ARHGAP32: variants seen among roughly 807,000 people sequenced by gnomAD.
The protein encoded by ARHGAP32 is Rho GTPase activating protein 32.
ARHGAP32 carries 51 observed loss-of-function variants against 186.5 expected under a neutral mutation model. The observed-to-expected ratio is 0.27, with a 90% CI of 0.22 to 0.35. The LOEUF (loss-of-function observed/expected upper bound fraction) is 0.35, where lower values mean the gene tolerates loss of function less well. Ranked by LOEUF, ARHGAP32 falls within the 10% of genes least tolerant of loss-of-function variation. The pLI is 1.00. For missense variants in ARHGAP32, 2,186 were observed against 2,623.5 expected (o/e 0.83, Z 3.64); for synonymous variants, 950 against 964.3 (o/e 0.99, Z 0.27).
Position 128,970,705 on chromosome 11 carries a change from T to C in ARHGAP32, c.4508A>G (p.Asp1503Gly), listed in dbSNP as rs781119573. Reference sequence around the variant, plus strand: ...AGTCATATTGAAATGCAAACAGTTATCTGGACCAAAGGGTTCAGTGGTGAC... The same window carrying C: ...AGTCATATTGAAATGCAAACAGTTACCTGGACCAAAGGGTTCAGTGGTGAC... Reference protein sequence around the residue: ...PDVTTEPFGPDNCLHFNMTPN... With the variant: ...PDVTTEPFGPGNCLHFNMTPN... The change falls in exon 23 of 23, where the codon GAT (aspartate) becomes GGT (glycine). Residue 1503 changes from aspartate to glycine, a missense_variant. Coordinates refer to ENST00000682385, the MANE Select transcript of ARHGAP32 (RefSeq NM_001378024.1). This position sits in a 1 kb window ranked among gnomAD's most constrained non-coding sequence, Gnocchi z 5.8. 5 of 1,614,112 alleles carry C rather than the reference T, an allele frequency of 3.1e-6. No individual in the cohort carries two copies. In the South Asian group the frequency reaches 3.3e-5, roughly 11 times the overall value.
intron 11 of ARHGAP32, among the ~76,000 whole-genome samples, chr11:129,018,517 T>A (rs944663662): frequency 6.6e-6 from 1 of 152,232 alleles, no homozygotes; most frequent in African/African-American, 2.4e-5. Context: ...AAAACTAAAC[T>A]TATCTTTAGC....
chr11:129,120,482 T>C (rs558619810), intron 5 of ARHGAP32, among the ~76,000 whole-genome samples: 7 of 152,252 alleles, frequency 4.6e-5, no homozygotes, highest in South Asian at 2.1e-4. Flanking sequence ...ATGGTAATGA[T>C]AGTACTGACC....
At chr11:129,126,463 G>A (rs886107103) in intron 2 of ARHGAP32, among the ~76,000 whole-genome samples, 2 of 152,260 alleles carry the variant, frequency 1.3e-5, no homozygotes, top group Non-Finnish European at 2.9e-5. Flanking sequence ...AAAAAGCTTG[G>A]AGACACCATC....
At chr11:129,024,646 T>TA (rs1422679322) in intron 11 of ARHGAP32, among the ~76,000 whole-genome samples, 2 of 152,156 alleles carry the variant, frequency 1.3e-5, no homozygotes, top group East Asian at 1.9e-4. Flanking sequence ...GGGAAAAAAA[T>TA]AAAAAAGGTT....
chr11:129,201,608 C>A (rs1168411254), intron 1 of ARHGAP32, among the ~76,000 whole-genome samples: 2 of 152,006 alleles, frequency 1.3e-5, no homozygotes, highest in Non-Finnish European at 2.9e-5. Context: ...AAATCTGAGG[C>A]CAGTGATGAT....
rs558709452 is a variant in ARHGAP32, at chr11:129,089,121, C to T, written c.531+4500G>A. On this transcript the variant is annotated intron_variant, in intron 6 of 22. Transcript: ENST00000682385. ...AGGATGCAGAATGAGAAAAAAATAT[C>T]CCAACATATGTAGGATCAGATTTCT... Among the ~76,000 whole-genome samples, 15 of 151,906 alleles carry T rather than the reference C, an allele frequency of 9.9e-5. No individual in the cohort carries two copies. In the South Asian group the frequency reaches 3.1e-3, roughly 32 times the overall value.
chr11:129,031,013 G>C (rs933011571), intron 11 of ARHGAP32, among the ~76,000 whole-genome samples: 9 of 152,188 alleles, frequency 5.9e-5, no homozygotes, highest in Non-Finnish European at 1.2e-4. Flanking sequence ...CTTTCTAGAA[G>C]CCGAGCAGAT....
At chr11:129,103,942 G>C (rs999394191) in intron 5 of ARHGAP32, among the ~76,000 whole-genome samples, 1 of 152,028 alleles carries the variant, frequency 6.6e-6, no homozygotes, top group Non-Finnish European at 1.5e-5. Context: ...AGAACTGCAG[G>C]AAGGAATAAA....
At position 129,131,938 on chromosome 11, in the gene ARHGAP32, T is replaced by C. The variant is rs147137022; in HGVS notation, c.226-7044A>G. 6.6e-4 allele frequency among the ~76,000 whole-genome samples: 101 copies of C among 152,344 alleles called. No individual in the cohort carries two copies. The East Asian group carries it at 0.017, about 26-fold the overall frequency. The stretch of plus-strand genomic sequence containing the variant: ...GTGCAAGACAAGACTTTTTTGTTTT[T>C]AATTTTTATTTTTAAGTTCTGGGGT... On this transcript the variant is annotated intron_variant, in intron 2 of 22. Coordinates refer to ENST00000682385, the MANE Select transcript of ARHGAP32 (RefSeq NM_001378024.1).
intron 2 of ARHGAP32, among the ~76,000 whole-genome samples, chr11:129,145,563 G>A (rs1395493742): frequency 6.6e-6 from 1 of 151,930 alleles, no homozygotes. Context: ...TTTTTTGAAA[G>A]GCTATACAAC....
In ARHGAP32 at chr11:129,241,896, G is replaced by A. The variant is rs182440844; in HGVS notation, c.-5+37250C>T. 1.2e-3 allele frequency among the ~76,000 whole-genome samples: 177 copies of A among 152,184 alleles called. 2 individuals carry two copies. The highest frequency in any genetic ancestry group is 4.0e-3 in the African/African-American group (166 of 41,524). ...AGACTGTGTAAATATAATAAAGCAA[G>A]AATGACCAATAAAAACATAGTATTT... On this transcript the variant is annotated intron_variant, in intron 1 of 6. Coordinates refer to the ARHGAP32 transcript ENST00000525234.
At chr11:129,174,669 CA>C (rs1943865658) in intron 1 of ARHGAP32, among the ~76,000 whole-genome samples, 3 of 152,200 alleles carry the variant, frequency 2.0e-5, no homozygotes, top group African/African-American at 4.8e-5. Flanking sequence ...GAGGCACCCC[CA>C]AGCAGGGGCA....
intron 22 of ARHGAP32, chr11:128,971,827 T>C (rs1233498502): frequency 6.6e-6 from 1 of 152,266 alleles, no homozygotes; most frequent in Non-Finnish European, 1.5e-5. Flanking sequence ...TGTGGCACTT[T>C]CTTAAAATAT....
At chr11:128,973,590 G>C (rs1223736835) in intron 21 of ARHGAP32, 158 bp from the exon 22 acceptor site, 1 of 732,642 alleles carries the variant, frequency 1.4e-6, no homozygotes, top group Non-Finnish European at 2.2e-6. Flanking sequence ...AAATGCTGTT[G>C]AAAACACATC....
intron 2 of ARHGAP32, among the ~76,000 whole-genome samples, chr11:129,134,757 GCTCTGCC>G (rs1393365034): frequency 6.6e-6 from 1 of 152,130 alleles, no homozygotes; most frequent in Non-Finnish European, 1.5e-5. Context: ...CATCATGATG[GCTCTGCC>G]CTCATGAATG....
rs567888696 is a variant in ARHGAP32 at position 129,129,228 on chromosome 11, C to T, written c.226-4334G>A. Among the ~76,000 whole-genome samples, 205 of 143,538 alleles carry T rather than the reference C, an allele frequency of 1.4e-3. 2 individuals are homozygous for T. The highest frequency in any genetic ancestry group is 0.012 in the Admixed American group (182 of 14,808). The allele number at this position is 143,538 out of a possible 152,430, so 94.2% of individuals were successfully genotyped here. A position where few individuals can be genotyped will look rare whatever the true frequency, so the allele number is the denominator to read the frequency against. ...CTGGGAAGTGAGGAGCCCCTCCACCCGGCAGCTGCCCCGTCTGGGAAGTGA... is the reference window on the plus strand; with the variant it reads ...CTGGGAAGTGAGGAGCCCCTCCACCTGGCAGCTGCCCCGTCTGGGAAGTGA... On this transcript the variant is annotated intron_variant, in intron 2 of 22. Coordinates refer to ENST00000682385, the MANE Select transcript of ARHGAP32 (RefSeq NM_001378024.1).
intron 22 of ARHGAP32, chr11:128,972,179 G>C (rs952975302): frequency 8.9e-6 from 2 of 225,328 alleles, no homozygotes; most frequent in Non-Finnish European, 8.7e-6. Flanking sequence ...ATCTCTTTGT[G>C]TTACTGGAAT....
chr11:128,981,359 T>C (rs1945701433), intron 17 of ARHGAP32, 57 bp downstream of exon 17: 3 of 1,518,438 alleles, frequency 2.0e-6, no homozygotes, highest in Admixed American at 2.1e-5. Flanking sequence ...CATGGTTTGC[T>C]ACTCCTCTGG....
At chr11:129,061,459 GTTTAA>G (rs1312498169) in intron 10 of ARHGAP32, among the ~76,000 whole-genome samples, 1 of 152,152 alleles carries the variant, frequency 6.6e-6, no homozygotes, top group Non-Finnish European at 1.5e-5. Flanking sequence ...GTATGATAAA[GTTTAA>G]TTTATCAATT....
Sources: allele counts gnomAD v4.1 joint callset (sites outside exome capture counted in the v4.1 genomes callset), GRCh38; gene constraint gnomAD v4.1.1; non-coding constraint Gnocchi (gnomAD v3.1); transcripts MANE v1.5; gene names NCBI Gene and HGNC (gene_info 2026-07-23, HGNC 2026-07-21).